The following TIGD6 variants were observed in gnomAD, a reference collection of about 807,000 sequenced individuals.
TIGD6 encodes the protein tigger transposable element derived 6.
A neutral mutation model predicts 2.6 loss-of-function variants in TIGD6; 1 was observed. The ratio of observed to expected loss-of-function variants is 0.39; its 90% CI spans 0.14 to 1.85. TIGD6 has a LOEUF of 1.85. Ranked by LOEUF, TIGD6 falls within the 40% of genes most tolerant of loss-of-function variation. TIGD6 has a pLI of 0.32. For synonymous variants in TIGD6, 193 were observed against 221.9 expected (o/e 0.87, Z 1.16); for missense variants, 601 against 634.2 (o/e 0.95, Z 0.56).
At chr5:149,996,686 A>G (rs775547477) in intron 1 of TIGD6, among the ~76,000 whole-genome samples, 2 of 152,260 alleles carry the variant, frequency 1.3e-5, no homozygotes, top group African/African-American at 4.8e-5. Context: ...TCTGCCTACC[A>G]TGAGAACAGA....
chr5:149,994,406 T>C lies in TIGD6; in HGVS notation c.*377A>G, dbSNP rs531565415. 3.3e-4 allele frequency: 52 copies of C among 156,432 alleles called. No individual in the cohort carries two copies. Among genetic ancestry groups the C allele is most frequent in the Middle Eastern group, 3.3e-3 (1 of 306 alleles). 9.7% of individuals were successfully genotyped at this position (156,432 alleles called of 1,614,324 possible). A position where few individuals can be genotyped will look rare whatever the true frequency, so the allele number is the denominator to read the frequency against. ...GGTTGGTTCAGTTTTCAAATTTGTC[T>C]GCACATTGGAATCACCTGGAGAGCT... On this transcript the variant is annotated 3_prime_UTR_variant, in exon 2 of 2. Transcript: ENST00000296736.
At chr5:149,999,168 A>T (rs970719427) in intron 1 of TIGD6, among the ~76,000 whole-genome samples, 2 of 152,180 alleles carry the variant, frequency 1.3e-5, no homozygotes, top group Admixed American at 6.5e-5. Flanking sequence ...GGGCATTAAG[A>T]GGCTTTTGAC....
intron 1 of TIGD6, among the ~76,000 whole-genome samples, chr5:149,997,148 T>C (rs913575369): frequency 4.6e-5 from 7 of 152,180 alleles, no homozygotes; most frequent in Admixed American, 3.9e-4. Flanking sequence ...AAGAGGAAGA[T>C]CTACTTATTA....
intron 1 of TIGD6, among the ~76,000 whole-genome samples, chr5:149,997,142 G>T (rs1348608146): frequency 6.6e-6 from 1 of 152,198 alleles, no homozygotes; most frequent in African/African-American, 2.4e-5. Flanking sequence ...GAATAAAAGA[G>T]GAAGATCTAC....
intron 1 of TIGD6, chr5:150,000,249 C>A (rs957183947): frequency 7.1e-5 from 11 of 154,314 alleles, no homozygotes; most frequent in African/African-American, 2.7e-4. Context: ...GTGGGAGAGA[C>A]GGATTGAGGG....
Position 149,995,268 on chromosome 5 carries a change from A to C in TIGD6, c.1081T>G (p.Trp361Gly). Residue 361 changes from tryptophan (W) to glycine (G), a missense_variant, in exon 2 of 2, where the codon TGG (tryptophan) becomes GGG (glycine). Physicochemically the swap from Trp to Gly is radical, Grantham distance 184. Transcript: ENST00000296736. ...ACCACTGTGGATGGCTTGACTGACC[A>C]CCACGCTGCAGCAATCATGTCGATG... The part of the protein sequence containing the change: ...QAIDMIAAAW[W>G]SVKPSTVVKC... The C allele has an allele frequency of 6.2e-7, 1 of 1,614,182 alleles. No homozygotes were observed. The highest frequency in any genetic ancestry group is 8.5e-7 in the Non-Finnish European group (1 of 1,180,032).
Position 149,995,976 on chromosome 5 carries a change from T to C in TIGD6, c.373A>G (p.Asn125Asp). 1.9e-6 allele frequency: 3 copies of C among 1,611,542 alleles called. No individual in the cohort carries two copies. Among genetic ancestry groups the C allele is most frequent in the Non-Finnish European group, 2.5e-6 (3 of 1,180,032 alleles). The change falls in exon 2 of 2, where the codon AAC (asparagine) becomes GAC (aspartate). Residue 125 changes from asparagine to aspartate, a missense_variant. Asn to Asp is a conservative substitution (Grantham distance 23). Coordinates refer to ENST00000296736, the MANE Select transcript of TIGD6 (RefSeq NM_030953.4). ...DNFQASVGWLNRFRDRHGIAL... is the reference protein window; with the variant it reads ...DNFQASVGWLDRFRDRHGIAL... ...ATTCCGTGGCGATCTCTAAATCTGT[T>C]CAGCCAGCCCACACTTGCTTGAAAA... is the stretch of plus-strand genomic sequence containing the variant.
Position 149,997,536 on chromosome 5 carries a change from CT to C in TIGD6, c.-81-1108del, listed in dbSNP as rs374345125. On this transcript the variant is annotated intron_variant, in intron 1 of 1. Coordinates refer to ENST00000296736, the MANE Select transcript of TIGD6 (RefSeq NM_030953.4). ...CTGGGCAACAAGAGCAAGACTCTGT[CT>C]CAAAAACAACAACAACAACAAAAAA... Among the ~76,000 whole-genome samples, 19 of 151,444 alleles carry C rather than the reference CT, an allele frequency of 1.3e-4. No individual in the cohort carries two copies. The East Asian group carries it at 1.9e-3, about 16-fold the overall frequency.
Position 149,995,653 on chromosome 5 carries a change from T to C in TIGD6, c.696A>G (p.Ser232=). ...TGTTCTTGAGGCAGTGTGGGCTGGC[T>C]GACCTACCAACAATCAATGGTCTCA... ...EKMRPLIVGR[S]ASPHCLKNIH... Residue 232 remains serine (S), a synonymous_variant, in exon 2 of 2, where the codon TCA becomes TCG. Coordinates refer to ENST00000296736, the MANE Select transcript of TIGD6 (RefSeq NM_030953.4). 1 of 1,614,252 alleles carries C rather than the reference T, an allele frequency of 6.2e-7. No individual in the cohort carries two copies.
intron 1 of TIGD6, among the ~76,000 whole-genome samples, chr5:149,998,967 G>A (rs888163136): frequency 6.6e-5 from 10 of 152,160 alleles, no homozygotes; most frequent in African/African-American, 2.4e-4. Context: ...ACTTCAAAGA[G>A]GGAATAATAT....
intron 1 of TIGD6, among the ~76,000 whole-genome samples, chr5:149,998,221 C>G (rs1046561856): frequency 1.3e-5 from 2 of 152,192 alleles, no homozygotes; most frequent in African/African-American, 4.8e-5. Context: ...TTAAAAGGAT[C>G]ACTTTGGCTG....
At position 149,995,983 on chromosome 5, in the gene TIGD6, G is replaced by C; in HGVS notation, c.366C>G (p.Gly122=). 6.2e-7 allele frequency: 1 copy of C among 1,610,948 alleles called. No individual in the cohort carries two copies. Among genetic ancestry groups the C allele is most frequent in the South Asian group, 1.1e-5 (1 of 91,072 alleles). Residue 122 remains glycine, a synonymous_variant, in exon 2 of 2, where the codon GGC becomes GGG. Coordinates refer to ENST00000296736, the MANE Select transcript of TIGD6 (RefSeq NM_030953.4). ...LGYDNFQASV[G]WLNRFRDRHG... ...GGCGATCTCTAAATCTGTTCAGCCAGCCCACACTTGCTTGAAAATTGTCAT... is the reference window on the plus strand; with the variant it reads ...GGCGATCTCTAAATCTGTTCAGCCACCCCACACTTGCTTGAAAATTGTCAT...
chr5:149,994,578 A>G lies in TIGD6; in HGVS notation c.*205T>C. 1 of 441,462 alleles carries G rather than the reference A, an allele frequency of 2.3e-6. No homozygotes were observed. Among genetic ancestry groups the G allele is most frequent in the Non-Finnish European group, 3.9e-6 (1 of 259,046 alleles). The allele number at this position is 441,462 out of a possible 1,614,324, so 27.3% of individuals were successfully genotyped here. ...GAAACCCTTGGATGAATCAAAATAC[A>G]TCTTGAATCAAGGACCAGAGACAGC... On this transcript the variant is annotated 3_prime_UTR_variant, in exon 2 of 2. Transcript: ENST00000296736.
rs1290699745 is a variant in TIGD6 at position 149,995,438 on chromosome 5, G to C, written c.911C>G (p.Pro304Arg). 2.5e-6 allele frequency: 4 copies of C among 1,614,252 alleles called. No homozygotes were observed. The highest frequency in any genetic ancestry group is 2.5e-6 in the Non-Finnish European group (3 of 1,180,046). The change falls in exon 2 of 2, where the codon CCC becomes CGC. Residue 304 changes from proline to arginine, a missense_variant. Transcript: ENST00000296736. ...HLERIQVGYL[P>R]SNCTAVLQPL... ...CTGCAGGACAGCAGTACAGTTGGAGGGCAGATACCCAACCTGAATCCTTTC... is the reference window on the plus strand; with the variant it reads ...CTGCAGGACAGCAGTACAGTTGGAGCGCAGATACCCAACCTGAATCCTTTC...
rs746848003 is a variant in TIGD6, at chr5:149,994,911, G to A, written c.1438C>T (p.Leu480Phe). The change falls in exon 2 of 2, where the codon CTT (leucine) becomes TTT (phenylalanine). Residue 480 changes from leucine (L) to phenylalanine (F), a missense_variant. Physicochemically the swap from Leu to Phe is conservative, Grantham distance 22. Transcript: ENST00000296736. Reference protein sequence around the residue: ...ISSVQKLRQFLSTCVDIPDAI... With the variant: ...ISSVQKLRQFFSTCVDIPDAI... ...TCAGGAATGTCTACACAAGTGGAAA[G>A]GAACTGTCTAAGTTTCTGTACACTT... 16 of 1,612,326 alleles carry A rather than the reference G, an allele frequency of 9.9e-6. No individual in the cohort carries two copies. The highest frequency in any genetic ancestry group is 4.0e-5 in the African/African-American group (3 of 74,890).
Position 149,994,114 on chromosome 5 carries a change from T to C in TIGD6, c.*669A>G, listed in dbSNP as rs1581236778. 3.9e-5 allele frequency: 6 copies of C among 152,354 alleles called. No homozygotes were observed. The South Asian group carries it at 1.2e-3, about 32-fold the overall frequency. The allele number at this position is 152,354 out of a possible 1,614,324, so 9.4% of individuals were successfully genotyped here. A position where few individuals can be genotyped will look rare whatever the true frequency, so the allele number is the denominator to read the frequency against. On this transcript the variant is annotated 3_prime_UTR_variant, in exon 2 of 2. Transcript: ENST00000296736. ...AGCTAGACCAGTATATTGCTTTATT[T>C]AAATTGGCTCAATATCCTATCTAAA...
In TIGD6 at chr5:149,996,134, C is replaced by A. The variant is rs746847246; in HGVS notation, c.215G>T (p.Ser72Ile). Reference sequence around the variant, plus strand: ...CTTATCAATGTCATCATAAAGAGCGCTCCTCATCCTTTTCCGCTGGGGTCC... The same window carrying A: ...CTTATCAATGTCATCATAAAGAGCGATCCTCATCCTTTTCCGCTGGGGTCC... ...SVGPQRKRMR[S>I]ALYDDIDKAV... Residue 72 changes from serine (S) to isoleucine (I), a missense_variant, in exon 2 of 2, where the codon AGC (serine) becomes ATC (isoleucine). Transcript: ENST00000296736. 7 of 1,612,904 alleles carry A rather than the reference C, an allele frequency of 4.3e-6. No individual in the cohort carries two copies. Among genetic ancestry groups the A allele is most frequent in the Non-Finnish European group, 5.1e-6 (6 of 1,180,030 alleles).
Position 149,994,181 on chromosome 5 carries a change from C to G in TIGD6, c.*602G>C, listed in dbSNP as rs541705144. Reference sequence around the variant, plus strand: ...TCAAAGCATGGAGCCTGGACTGCATCAGCTGAGAATGTGTTAGAAATGCAA... The same window carrying G: ...TCAAAGCATGGAGCCTGGACTGCATGAGCTGAGAATGTGTTAGAAATGCAA... On this transcript the variant is annotated 3_prime_UTR_variant, in exon 2 of 2. Transcript: ENST00000296736. 6.6e-6 allele frequency: 1 copy of G among 152,344 alleles called. No homozygotes were observed. Among genetic ancestry groups the G allele is most frequent in the South Asian group, 2.1e-4 (1 of 4,814 alleles). 9.4% of individuals were successfully genotyped at this position (152,344 alleles called of 1,614,324 possible).
Position 149,996,286 on chromosome 5 carries a change from C to G in TIGD6, c.63G>C (p.Val21=). ...QFSLEEKMKV[V]GAVDSGKRKG... ...TCCTCTTGCCTGAGTCTACAGCTCC[C>G]ACAACTTTCATTTTCTCCTCCAGAG... The change falls in exon 2 of 2, where the codon GTG becomes GTC. Residue 21 remains valine (V), a synonymous_variant. Coordinates refer to ENST00000296736, the MANE Select transcript of TIGD6 (RefSeq NM_030953.4). 6.2e-7 allele frequency: 1 copy of G among 1,613,630 alleles called. No homozygotes were observed. Among genetic ancestry groups the G allele is most frequent in the Non-Finnish European group, 8.5e-7 (1 of 1,179,920 alleles).
Sources: allele counts gnomAD v4.1 joint callset (sites outside exome capture counted in the v4.1 genomes callset), GRCh38; gene constraint gnomAD v4.1.1; transcripts MANE v1.5; gene names NCBI Gene and HGNC (gene_info 2026-07-23, HGNC 2026-07-21).